MDGA2: variants seen among roughly 807,000 people sequenced by gnomAD.
MDGA2 encodes the protein MAM domain-containing glycosylphosphatidylinositol anchor protein 2.
In MDGA2, 40 loss-of-function variants were observed where a neutral mutation model predicts 117.8. The observed-to-expected ratio is 0.34, with a 90% CI of 0.26 to 0.44. The LOEUF (loss-of-function observed/expected upper bound fraction) is 0.44, where lower values mean the gene tolerates loss of function less well. Ranked by LOEUF, MDGA2 falls within the 20% of genes least tolerant of loss-of-function variation. MDGA2 has a pLI of 1.00. For missense variants in MDGA2, 1,123 were observed against 1,250.6 expected (o/e 0.90, Z 1.54); for synonymous variants, 452 against 439.0 (o/e 1.03, Z -0.37).
Position 47,064,116 on chromosome 14 carries a change from T to C in MDGA2, c.1196-2538A>G, listed in dbSNP as rs545244638. 1.2e-4 allele frequency among the ~76,000 whole-genome samples: 18 copies of C among 152,132 alleles called. No homozygotes were observed. The East Asian group carries it at 3.5e-3, about 29-fold the overall frequency. On this transcript the variant is annotated intron_variant, in intron 6 of 16. Transcript: ENST00000399232. The stretch of plus-strand genomic sequence containing the variant: ...AATATTAGAGATTATAAACCCATAA[T>C]CAATTAATACATAAGATTATATGTA...
chr14:47,036,705 T>C (rs76841250), intron 7 of MDGA2, among the ~76,000 whole-genome samples: 22,911 of 152,312 alleles, frequency 0.15, 1,963 homozygotes, highest in South Asian at 0.27. Flanking sequence ...AGTTTGATTA[T>C]GGCCCACTGC....
chr14:47,007,677 A>G (rs1887759677), intron 8 of MDGA2, among the ~76,000 whole-genome samples: 1 of 151,808 alleles, frequency 6.6e-6, no homozygotes. Flanking sequence ...TTAGAAAATT[A>G]AAGAAGATAG....
chr14:47,575,514 C>G (rs2138829844), intron 1 of MDGA2, among the ~76,000 whole-genome samples: 1 of 152,328 alleles, frequency 6.6e-6, no homozygotes, highest in East Asian at 1.9e-4. Context: ...TGCTGATTGA[C>G]TGGCCGAACA....
At chr14:46,869,659 G>A (rs2138351567) in intron 14 of MDGA2, among the ~76,000 whole-genome samples, 1 of 151,980 alleles carries the variant, frequency 6.6e-6, no homozygotes, top group East Asian at 1.9e-4. Flanking sequence ...CTCCCCTTGG[G>A]TATGGGCTTG....
At chr14:47,100,026 TAC>T (rs1210020433) in intron 5 of MDGA2, among the ~76,000 whole-genome samples, 1 of 152,042 alleles carries the variant, frequency 6.6e-6, no homozygotes, top group Non-Finnish European at 1.5e-5. Flanking sequence ...CACTATAGAA[TAC>T]AGTTATTCTG....
chr14:47,042,073 A>T (rs1889090290), intron 7 of MDGA2, among the ~76,000 whole-genome samples: 1 of 152,058 alleles, frequency 6.6e-6, no homozygotes, highest in Admixed American at 6.6e-5. Context: ...ATTCAATTAC[A>T]CCTGAATTTT....
At chr14:47,607,825 G>A (rs755856440) in intron 1 of MDGA2, among the ~76,000 whole-genome samples, 1 of 152,048 alleles carries the variant, frequency 6.6e-6, no homozygotes, top group African/African-American at 2.4e-5. Flanking sequence ...ATGGCTATCT[G>A]AATACTTAAA....
intron 1 of MDGA2, among the ~76,000 whole-genome samples, chr14:47,372,761 A>G (rs1891391315): frequency 6.6e-6 from 1 of 151,992 alleles, no homozygotes; most frequent in African/African-American, 2.4e-5. Flanking sequence ...GTAAAAAATG[A>G]TTATCGTAGC....
intron 2 of MDGA2, among the ~76,000 whole-genome samples, chr14:47,243,023 T>A (rs1887113264): frequency 6.6e-6 from 1 of 151,748 alleles, no homozygotes; most frequent in Non-Finnish European, 1.5e-5. Flanking sequence ...ACTCTGTATC[T>A]AGCTGCTCTG....
intron 1 of MDGA2, among the ~76,000 whole-genome samples, chr14:47,348,595 G>A (rs1331048784): frequency 1.3e-5 from 2 of 151,942 alleles, no homozygotes; most frequent in Non-Finnish European, 2.9e-5. Context: ...ATAGTTTCTC[G>A]AGAAGGCAAA....
intron 1 of MDGA2, among the ~76,000 whole-genome samples, chr14:47,653,490 G>A (rs1013879725): frequency 2.0e-5 from 3 of 152,116 alleles, no homozygotes; most frequent in African/African-American, 7.2e-5. Flanking sequence ...ACGCATTTGA[G>A]AAAGCCAATG....
At chr14:47,252,218 A>G (rs1165588046) in intron 2 of MDGA2, among the ~76,000 whole-genome samples, 2 of 152,170 alleles carry the variant, frequency 1.3e-5, no homozygotes, top group Admixed American at 1.3e-4. Context: ...TCTAGAATTC[A>G]TAAATACTAG....
At chr14:47,196,857 C>T (rs536819433) in intron 3 of MDGA2, among the ~76,000 whole-genome samples, 1 of 152,152 alleles carries the variant, frequency 6.6e-6, no homozygotes, top group Non-Finnish European at 1.5e-5. Context: ...CTATTGTTCC[C>T]TTCTTTGTGT....
chr14:47,255,423 C>G (rs1887586618), intron 2 of MDGA2, among the ~76,000 whole-genome samples: 2 of 152,072 alleles, frequency 1.3e-5, no homozygotes, highest in Non-Finnish European at 2.9e-5. Context: ...ATAACATGAT[C>G]AGATTTGTGT....
chr14:47,604,863 A>AAATGCCACAT (rs1339510802), intron 1 of MDGA2, among the ~76,000 whole-genome samples: 3 of 152,114 alleles, frequency 2.0e-5, no homozygotes, highest in Admixed American at 6.6e-5. Context: ...TTTGAGGCTG[A>AAATGCCACAT]AATGCCACAT....
chr14:47,189,258 A>G (rs777231704), intron 3 of MDGA2, among the ~76,000 whole-genome samples: 8 of 151,978 alleles, frequency 5.3e-5, no homozygotes, highest in Non-Finnish European at 1.2e-4. Flanking sequence ...AGCCACAAAC[A>G]CACGCTAAAC....
At chr14:46,866,788 A>G (rs1332626757) in intron 14 of MDGA2, among the ~76,000 whole-genome samples, 1 of 152,184 alleles carries the variant, frequency 6.6e-6, no homozygotes, top group Non-Finnish European at 1.5e-5. Flanking sequence ...AACACATGAA[A>G]AAATGCTCAC....
intron 1 of MDGA2, among the ~76,000 whole-genome samples, chr14:47,440,282 C>G: frequency 6.6e-6 from 1 of 152,066 alleles, no homozygotes; most frequent in East Asian, 1.9e-4. Context: ...AAATATCTGG[C>G]CCCTGATCTG....
chr14:47,214,876 A>G (rs953996674), intron 3 of MDGA2, among the ~76,000 whole-genome samples: 1 of 152,144 alleles, frequency 6.6e-6, no homozygotes, highest in African/African-American at 2.4e-5. Context: ...TATATACATT[A>G]TGTGTTATTA....
Sources: gnomAD v4.1 joint callset for allele counts (sites outside exome capture counted in the v4.1 genomes callset) on GRCh38, gnomAD v4.1.1 for gene constraint, MANE v1.5 for transcripts, NCBI Gene and HGNC (gene_info 2026-07-23, HGNC 2026-07-21) for gene names.